Variants in SAXO1 observed in about 807,000 individuals in gnomAD.
SAXO1 encodes 4930500O09Rik.
In SAXO1, 21 loss-of-function variants were observed where a neutral mutation model predicts 17.5. The observed-to-expected ratio is 1.20, with a 90% confidence interval of 0.85 to 1.72. The LOEUF is 1.72. Among genes scored for constraint, SAXO1 ranks in the 40% most tolerant of loss-of-function variants. SAXO1 has a pLI of 0.00. For synonymous variants in SAXO1, 274 were observed against 216.5 expected, an observed-to-expected ratio of 1.27 and a Z score of -2.33; for missense variants, 843 against 596.0, an observed-to-expected ratio of 1.41 and a Z score of -4.32.
At chr9:18,985,854 G>A (rs1833573643) in intron 1 of SAXO1, among the ~76,000 whole-genome samples, 3 of 152,326 alleles carry the variant, frequency 2.0e-5, no homozygotes, top group East Asian at 1.9e-4. Context: ...ACACATGTCA[G>A]GGAAAAAGCA....
intron 1 of SAXO1, among the ~76,000 whole-genome samples, chr9:19,046,082 C>CAAA (rs57919139): frequency 0.012 from 672 of 54,918 alleles, 23 homozygotes; most frequent in African/African-American, 0.022. Flanking sequence ...AACTCCGTCT[C>CAAA]AAAAAAAAAA....
intron 1 of SAXO1, among the ~76,000 whole-genome samples, chr9:19,038,916 T>A (rs921610705): frequency 6.6e-6 from 1 of 152,162 alleles, no homozygotes; most frequent in African/African-American, 2.4e-5. Flanking sequence ...CATTTACTTC[T>A]TAATATGGAC....
At chr9:18,955,816 C>A (rs556010082) in intron 1 of SAXO1, among the ~76,000 whole-genome samples, 2 of 152,294 alleles carry the variant, frequency 1.3e-5, no homozygotes, top group African/African-American at 4.8e-5. Flanking sequence ...TGCCTCCCCA[C>A]AAAGCTGCTG....
At chr9:19,022,650 G>A (rs10121144) in intron 1 of SAXO1, among the ~76,000 whole-genome samples, 26,826 of 152,100 alleles carry the variant, frequency 0.18, 3,744 homozygotes, top group African/African-American at 0.4. Flanking sequence ...TTAAGTTATT[G>A]ACCAGCACTG....
intron 1 of SAXO1, among the ~76,000 whole-genome samples, chr9:19,017,316 C>T (rs1163778647): frequency 6.6e-6 from 1 of 152,190 alleles, no homozygotes; most frequent in African/African-American, 2.4e-5. Context: ...TTCAACCACA[C>T]CCCAAACCTC....
Position 19,019,014 on chromosome 9 carries a change from C to T in SAXO1, c.38+13857G>A, listed in dbSNP as rs553179867. 3.3e-5 allele frequency among the ~76,000 whole-genome samples: 5 copies of T among 151,810 alleles called. No individual in the cohort carries two copies. The South Asian group carries it at 1.0e-3, about 32-fold the overall frequency. ...ATCCCAGCTACTGGGGAGGCTGAGGCAGGATAATCACTTGAATTTGGAAGG... is the reference window on the plus strand; with the variant it reads ...ATCCCAGCTACTGGGGAGGCTGAGGTAGGATAATCACTTGAATTTGGAAGG... On this transcript the variant is annotated intron_variant, in intron 1 of 3. Coordinates refer to ENST00000380534, the MANE Select transcript of SAXO1 (RefSeq NM_153707.4).
At chr9:18,954,362 G>C (rs1588433888) in intron 1 of SAXO1, among the ~76,000 whole-genome samples, 1 of 151,328 alleles carries the variant, frequency 6.6e-6, no homozygotes, top group Non-Finnish European at 1.5e-5. Flanking sequence ...TTTAAGACAA[G>C]GTTTCACTCT....
At chr9:19,029,295 C>T (rs1011071535) in intron 1 of SAXO1, among the ~76,000 whole-genome samples, 1 of 152,124 alleles carries the variant, frequency 6.6e-6, no homozygotes, top group African/African-American at 2.4e-5. Flanking sequence ...TGCCTCTCTC[C>T]CTCCCTGGCA....
rs112622237 is a variant in SAXO1, at chr9:18,961,328, G to A, written c.39-10391C>T. 8.2e-3 allele frequency among the ~76,000 whole-genome samples: 1,252 copies of A among 151,966 alleles called. 16 individuals carry two copies. Among genetic ancestry groups the A allele is most frequent in the African/African-American group, 0.029 (1,189 of 41,388 alleles). On this transcript the variant is annotated intron_variant, in intron 1 of 3. Transcript: ENST00000380534. ...TGGGACCACAGGCATGTGCCACCAC[G>A]CCTGGCTAATTGTTTTTTGTTTTAT...
intron 1 of SAXO1, among the ~76,000 whole-genome samples, chr9:18,959,370 T>C (rs1009120283): frequency 1.1e-4 from 16 of 152,102 alleles, no homozygotes; most frequent in Non-Finnish European, 2.2e-4. Flanking sequence ...AGAGGGCAGA[T>C]GGATGACATT....
intron 1 of SAXO1, among the ~76,000 whole-genome samples, chr9:18,964,546 T>C (rs1263678846): frequency 6.6e-6 from 1 of 152,236 alleles, no homozygotes; most frequent in Admixed American, 6.5e-5. Context: ...CTAGATTTTC[T>C]AGTTTATTTG....
chr9:19,023,296 T>G (rs1001533512), intron 1 of SAXO1, among the ~76,000 whole-genome samples: 1 of 152,158 alleles, frequency 6.6e-6, no homozygotes, highest in Non-Finnish European at 1.5e-5. Context: ...CTCAGGCAAG[T>G]ACACTTCTTC....
intron 1 of SAXO1, among the ~76,000 whole-genome samples, chr9:18,954,380 A>C (rs1832162829): frequency 6.6e-6 from 1 of 151,954 alleles, no homozygotes; most frequent in Admixed American, 6.6e-5. Context: ...TCTGTCATCC[A>C]GGCTGGAGGG....
At chr9:18,950,967 C>A in intron 1 of SAXO1, 30 bp from the exon 2 acceptor site, 1 of 1,584,136 alleles carries the variant, frequency 6.3e-7, no homozygotes, top group Middle Eastern at 2.3e-4. Context: ...AGGTTGATTA[C>A]CTTCTTGGGA....
chr9:19,000,371 C>T (rs1257865601), intron 1 of SAXO1, among the ~76,000 whole-genome samples: 2 of 151,168 alleles, frequency 1.3e-5, no homozygotes, highest in African/African-American at 4.9e-5. Flanking sequence ...TGCCCGGCCA[C>T]CCAACTGACT....
chr9:19,000,017 T>C (rs1277220590), intron 1 of SAXO1, among the ~76,000 whole-genome samples: 1 of 130,372 alleles, frequency 7.7e-6, no homozygotes, highest in African/African-American at 2.9e-5. Flanking sequence ...GCTGTCCCAC[T>C]GTCTGGGAAG....
intron 1 of SAXO1, among the ~76,000 whole-genome samples, chr9:19,019,232 T>C (rs113189163): frequency 0.012 from 1,769 of 152,340 alleles, 25 homozygotes; most frequent in African/African-American, 0.041. Flanking sequence ...TCAAGTCCGA[T>C]GATCATATTA....
intron 1 of SAXO1, among the ~76,000 whole-genome samples, chr9:18,986,145 C>T (rs1013075410): frequency 6.6e-6 from 1 of 152,190 alleles, no homozygotes; most frequent in African/African-American, 2.4e-5. Context: ...AATATGCAAT[C>T]ATAACACAGA....
chr9:19,019,813 C>T (rs1471295743), intron 1 of SAXO1, among the ~76,000 whole-genome samples: 1 of 152,032 alleles, frequency 6.6e-6, no homozygotes, highest in African/African-American at 2.4e-5. Context: ...AGTATTGACC[C>T]CAAATCCACT....
Sources: gnomAD v4.1 joint callset for allele counts (sites outside exome capture counted in the v4.1 genomes callset) on GRCh38, gnomAD v4.1.1 for gene constraint, MANE v1.5 for transcripts, NCBI Gene and HGNC (gene_info 2026-07-23, HGNC 2026-07-21) for gene names.